Variants in CSMD1 observed in about 807,000 individuals in gnomAD.
The protein encoded by CSMD1 is CUB and sushi domain-containing protein 1.
A neutral mutation model predicts 417.5 loss-of-function variants in CSMD1; 213 were observed. That is an observed-to-expected ratio of 0.51 (90% CI 0.46 to 0.57). The LOEUF is 0.57. CSMD1 is among the 20% of genes least tolerant of loss of function. CSMD1 has a pLI of 0.00. For synonymous variants in CSMD1, 2,862 were observed against 1,736.8 expected (o/e 1.65, Z -16.11); for missense variants, 6,923 against 4,529.7 (o/e 1.53, Z -15.17).
chr8:4,104,426 G>T (rs1801462170), intron 3 of CSMD1, among the ~76,000 whole-genome samples: 1 of 146,416 alleles, frequency 6.8e-6, no homozygotes, highest in Admixed American at 6.8e-5. Flanking sequence ...ACACACACAT[G>T]CGCACACGCA....
At chr8:4,599,052 T>A (rs1800439078) in intron 2 of CSMD1, among the ~76,000 whole-genome samples, 1 of 152,194 alleles carries the variant, frequency 6.6e-6, no homozygotes, top group African/African-American at 2.4e-5. Flanking sequence ...TTCTAAAGAA[T>A]CCACGTAACA....
intron 28 of CSMD1, among the ~76,000 whole-genome samples, chr8:3,223,457 A>G (rs1798324936): frequency 6.6e-6 from 1 of 152,188 alleles, no homozygotes; most frequent in Admixed American, 6.5e-5. Context: ...TTTTTAACGA[A>G]CATTCTGTTT....
intron 6 of CSMD1, among the ~76,000 whole-genome samples, chr8:3,740,658 G>C (rs983980728): frequency 1.3e-5 from 2 of 152,172 alleles, no homozygotes; most frequent in African/African-American, 2.4e-5. Context: ...CTGGGATGTA[G>C]ATTTTACGAG....
rs568798285 is a variant in CSMD1 at position 3,603,561 on chromosome 8, T to C, written c.1097+13149A>G. ...CACTGGTTCAAGAAATAAGATCATG[T>C]TTGAGTTTCAAAAAATAAAAGACAG... On this transcript the variant is annotated intron_variant, in intron 8 of 69. Coordinates refer to ENST00000635120, the MANE Select transcript of CSMD1 (RefSeq NM_033225.6). Among the ~76,000 whole-genome samples, 29 of 152,300 alleles carry C rather than the reference T, an allele frequency of 1.9e-4. 1 individual carries two copies. In the South Asian group the frequency reaches 5.8e-3, roughly 31 times the overall value.
chr8:3,281,378 A>G (rs71521819), intron 26 of CSMD1, among the ~76,000 whole-genome samples: 15,785 of 152,138 alleles, frequency 0.1, 1,225 homozygotes, highest in East Asian at 0.28. Flanking sequence ...CAGGAGGCAG[A>G]GGCTCCAGTG....
At chr8:4,436,057 G>C (rs1362280859) in intron 2 of CSMD1, among the ~76,000 whole-genome samples, 1 of 152,130 alleles carries the variant, frequency 6.6e-6, no homozygotes, top group African/African-American at 2.4e-5. Context: ...ATCATTCACA[G>C]ATCTTATAAT....
chr8:3,410,353 T>C (rs1812608124), intron 12 of CSMD1, among the ~76,000 whole-genome samples: 1 of 152,280 alleles, frequency 6.6e-6, no homozygotes, highest in Non-Finnish European at 1.5e-5. Context: ...CTCGCACACA[T>C]GGGGCTGGAT....
chr8:3,898,429 G>C (rs1807509485), intron 5 of CSMD1, among the ~76,000 whole-genome samples: 1 of 152,196 alleles, frequency 6.6e-6, no homozygotes, highest in Non-Finnish European at 1.5e-5. Context: ...GTTAAAGTTT[G>C]TGTGACATGT....
At chr8:3,731,015 C>A (rs951939862) in intron 6 of CSMD1, among the ~76,000 whole-genome samples, 20 of 152,096 alleles carry the variant, frequency 1.3e-4, no homozygotes, top group African/African-American at 4.8e-4. Context: ...TGAATTGAAC[C>A]TACAGATACC....
At chr8:3,517,910 G>A (rs1376051536) in intron 10 of CSMD1, among the ~76,000 whole-genome samples, 2 of 152,012 alleles carry the variant, frequency 1.3e-5, no homozygotes, top group African/African-American at 4.8e-5. Context: ...GAAGAGTTCG[G>A]GGCCTCCTTC....
At chr8:4,889,214 G>T (rs1445899828) in intron 1 of CSMD1, among the ~76,000 whole-genome samples, 1 of 152,112 alleles carries the variant, frequency 6.6e-6, no homozygotes, top group South Asian at 2.1e-4. Flanking sequence ...GTCAAAGCTG[G>T]TATCAGTAGG....
At chr8:4,420,208 T>C (rs998515190) in intron 2 of CSMD1, 143 bp from the exon 3 acceptor site, 2 of 511,104 alleles carry the variant, frequency 3.9e-6, no homozygotes, top group African/African-American at 1.9e-5. Context: ...TCCATACACA[T>C]AGCTTTGGTT....
At chr8:4,150,022 T>G (rs1796484964) in intron 3 of CSMD1, among the ~76,000 whole-genome samples, 1 of 152,194 alleles carries the variant, frequency 6.6e-6, no homozygotes, top group Non-Finnish European at 1.5e-5. Context: ...TAAAATATCC[T>G]CAACGCTGCA....
chr8:3,505,039 A>T (rs990186047), intron 10 of CSMD1, among the ~76,000 whole-genome samples: 13 of 152,190 alleles, frequency 8.5e-5, no homozygotes, highest in African/African-American at 3.1e-4. Context: ...GTTTTGCTGC[A>T]TAAGATGGGA....
At chr8:4,470,814 T>G (rs1373693877) in intron 2 of CSMD1, among the ~76,000 whole-genome samples, 1 of 152,240 alleles carries the variant, frequency 6.6e-6, no homozygotes, top group Non-Finnish European at 1.5e-5. Flanking sequence ...TCTTACAGGT[T>G]ATCTGAATCG....
chr8:3,546,209 G>C (rs145338722), intron 10 of CSMD1, among the ~76,000 whole-genome samples: 2 of 152,188 alleles, frequency 1.3e-5, no homozygotes, highest in Non-Finnish European at 2.9e-5. Context: ...TAGAGAAATT[G>C]TGTAAGGTTC....
At chr8:3,687,053 G>C (rs375801990) in intron 7 of CSMD1, among the ~76,000 whole-genome samples, 1 of 152,112 alleles carries the variant, frequency 6.6e-6, no homozygotes, top group African/African-American at 2.4e-5. Context: ...AAAATTATGA[G>C]GATGTGACAG....
chr8:4,287,931 G>C (rs539470872), intron 3 of CSMD1, among the ~76,000 whole-genome samples: 2 of 152,154 alleles, frequency 1.3e-5, no homozygotes, highest in Admixed American at 6.5e-5. Flanking sequence ...GTCATGTTTA[G>C]TTGCAAAACT....
intron 1 of CSMD1, among the ~76,000 whole-genome samples, chr8:4,830,347 C>G (rs1374667858): frequency 5.3e-5 from 8 of 152,294 alleles, no homozygotes; most frequent in Admixed American, 6.5e-5. Flanking sequence ...CAAGATTTGA[C>G]ACATTAGAGA....
Sources: allele counts gnomAD v4.1 joint callset (sites outside exome capture counted in the v4.1 genomes callset), GRCh38; gene constraint gnomAD v4.1.1; transcripts MANE v1.5; gene names NCBI Gene and HGNC (gene_info 2026-07-23, HGNC 2026-07-21).